The following NRXN3 variants were observed in gnomAD, a reference collection of about 807,000 sequenced individuals.
The protein encoded by NRXN3 is neurexin III.
NRXN3 carries 32 observed loss-of-function variants against 137.6 expected under a neutral mutation model. The observed-to-expected ratio is 0.23, with a 90% CI of 0.18 to 0.31. The LOEUF is 0.31. NRXN3 is among the 10% of genes least tolerant of loss of function. The probability of loss-of-function intolerance (pLI) is 1.00; values close to 1 mark genes in which losing one functional copy is unlikely to be tolerated. For synonymous variants in NRXN3, 798 were observed against 784.5 expected, an observed-to-expected ratio of 1.02 and a Z score of -0.29; for missense variants, 1,574 against 2,062.5, an observed-to-expected ratio of 0.76 and a Z score of 4.59.
At chr14:78,849,738 A>G (rs567120643) in intron 10 of NRXN3, among the ~76,000 whole-genome samples, 1 of 151,746 alleles carries the variant, frequency 6.6e-6, no homozygotes, top group South Asian at 2.1e-4. Flanking sequence ...GTGGAAAGAA[A>G]GGAGAGGTAA....
intron 16 of NRXN3, among the ~76,000 whole-genome samples, chr14:79,502,280 G>A (rs2096832958): frequency 6.6e-6 from 1 of 152,172 alleles, no homozygotes; most frequent in Non-Finnish European, 1.5e-5. Flanking sequence ...TGCTCCTTAA[G>A]CAGCAGTATC....
intron 8 of NRXN3, among the ~76,000 whole-genome samples, chr14:78,792,777 G>A (rs543900444): frequency 6.6e-6 from 1 of 152,254 alleles, no homozygotes; most frequent in South Asian, 2.1e-4. Context: ...ATAAAATTGA[G>A]CATAAAATCA....
intron 19 of NRXN3, among the ~76,000 whole-genome samples, chr14:79,710,916 A>G (rs1005799169): frequency 6.6e-6 from 1 of 152,190 alleles, no homozygotes; most frequent in Non-Finnish European, 1.5e-5. Context: ...GTTCTTAAAT[A>G]TTTTCAGACT....
intron 8 of NRXN3, among the ~76,000 whole-genome samples, chr14:78,769,831 TAG>T (rs751103197): frequency 1.2e-4 from 19 of 152,114 alleles, no homozygotes; most frequent in Non-Finnish European, 2.2e-4. Context: ...AGCAAATGCA[TAG>T]AGACAAGAAA....
At chr14:79,257,430 G>A (rs920697528) in intron 15 of NRXN3, among the ~76,000 whole-genome samples, 3 of 62,106 alleles carry the variant, frequency 4.8e-5, no homozygotes, top group African/African-American at 2.0e-4. Context: ...GGTGATGGTG[G>A]TGGTGGTGGT....
At chr14:79,161,714 G>A (rs544021388) in intron 15 of NRXN3, among the ~76,000 whole-genome samples, 2 of 152,072 alleles carry the variant, frequency 1.3e-5, no homozygotes, top group East Asian at 1.9e-4. Context: ...CACTCCACGT[G>A]TGACTAAAAT....
At chr14:79,348,342 A>AT (rs1412311085) in intron 15 of NRXN3, among the ~76,000 whole-genome samples, 1 of 149,812 alleles carries the variant, frequency 6.7e-6, no homozygotes, top group Non-Finnish European at 1.5e-5. Flanking sequence ...AATTAGATAA[A>AT]TTTTTTGGTA....
At chr14:79,621,026 G>T (rs550258887) in intron 16 of NRXN3, among the ~76,000 whole-genome samples, 2 of 152,174 alleles carry the variant, frequency 1.3e-5, no homozygotes, top group South Asian at 4.2e-4. Context: ...AGAGAAAAGA[G>T]CATTTCTGGG....
chr14:79,221,535 C>A (rs1217499382), intron 15 of NRXN3, among the ~76,000 whole-genome samples: 1 of 152,094 alleles, frequency 6.6e-6, no homozygotes, highest in African/African-American at 2.4e-5. Context: ...TGTTTGTTGG[C>A]CACATAAATG....
At chr14:79,514,261 G>A (rs1467044444) in intron 16 of NRXN3, among the ~76,000 whole-genome samples, 5 of 135,436 alleles carry the variant, frequency 3.7e-5, no homozygotes, top group Non-Finnish European at 7.7e-5. Context: ...ATTCATTTTC[G>A]TTCTTGGGGC....
At chr14:78,849,163 C>T (rs1181038964) in intron 10 of NRXN3, among the ~76,000 whole-genome samples, 4 of 152,114 alleles carry the variant, frequency 2.6e-5, no homozygotes, top group Non-Finnish European at 1.5e-5. Context: ...GTATTCAAAT[C>T]GTAGTTCTGA....
chr14:78,879,894 T>G (rs940117382), intron 10 of NRXN3, among the ~76,000 whole-genome samples: 10 of 152,126 alleles, frequency 6.6e-5, no homozygotes, highest in African/African-American at 2.4e-4. Context: ...GCCTTTTGCA[T>G]TAGTCAAGGT....
chr14:79,288,177 A>G (rs1487369235), intron 15 of NRXN3, among the ~76,000 whole-genome samples: 1 of 152,240 alleles, frequency 6.6e-6, no homozygotes, highest in African/African-American at 2.4e-5. Context: ...AGCATAATGT[A>G]CCAGAGTGGC....
intron 20 of NRXN3, among the ~76,000 whole-genome samples, chr14:79,808,071 T>C (rs1214884323): frequency 1.3e-5 from 2 of 151,760 alleles, no homozygotes; most frequent in Admixed American, 1.3e-4. Context: ...ACCCCGTCTC[T>C]ACTAATAATA....
At chr14:79,540,982 G>T (rs1382802193) in intron 16 of NRXN3, among the ~76,000 whole-genome samples, 1 of 152,124 alleles carries the variant, frequency 6.6e-6, no homozygotes, top group Non-Finnish European at 1.5e-5. Context: ...CCTTCTGGAG[G>T]TTCTGAAAAT....
chr14:79,235,871 A>C (rs1457437706), intron 15 of NRXN3, among the ~76,000 whole-genome samples: 1 of 152,086 alleles, frequency 6.6e-6, no homozygotes, highest in African/African-American at 2.4e-5. Flanking sequence ...CATTGGGTTA[A>C]AAAAAAGAAT....
chr14:79,516,009 T>G (rs1266541262), intron 16 of NRXN3, among the ~76,000 whole-genome samples: 1 of 152,204 alleles, frequency 6.6e-6, no homozygotes, highest in African/African-American at 2.4e-5. Context: ...CCTTGTAGGC[T>G]GTGACCTTTC....
intron 4 of NRXN3, among the ~76,000 whole-genome samples, chr14:78,312,581 A>C (rs1056580174): frequency 3.0e-4 from 41 of 136,842 alleles, no homozygotes; most frequent in African/African-American, 1.1e-3. Context: ...AACTAAAAAG[A>C]AACATTTTTT....
At chr14:78,853,626 A>G (rs1466339782) in intron 10 of NRXN3, among the ~76,000 whole-genome samples, 1 of 152,206 alleles carries the variant, frequency 6.6e-6, no homozygotes, top group Non-Finnish European at 1.5e-5. Context: ...ATTACATTCA[A>G]TGCATGGCTA....
Sources: gnomAD v4.1 joint callset for allele counts (sites outside exome capture counted in the v4.1 genomes callset) on GRCh38, gnomAD v4.1.1 for gene constraint, MANE v1.5 for transcripts, NCBI Gene and HGNC (gene_info 2026-07-23, HGNC 2026-07-21) for gene names.